Variants in FRMPD4 observed in about 807,000 individuals in gnomAD.
FRMPD4 encodes FERM and PDZ domain-containing protein 4.
In FRMPD4, 22 loss-of-function variants were observed where a neutral mutation model predicts 94.1. That is an observed-to-expected ratio of 0.23 (90% CI 0.17 to 0.33). The LOEUF is 0.33. Ranked by LOEUF, FRMPD4 falls within the 10% of genes least tolerant of loss-of-function variation. The pLI, the probability that FRMPD4 is intolerant of heterozygous loss-of-function variation, is 1.00. For synonymous variants in FRMPD4, 631 were observed against 548.6 expected (o/e 1.15, Z -2.10); for missense variants, 1,111 against 1,339.9 (o/e 0.83, Z 2.67).
At chrX:12,384,791 A>G (rs929552018) in intron 1 of FRMPD4, among the ~76,000 whole-genome samples, 7 of 112,371 alleles carry the variant, frequency 6.2e-5, no homozygotes, top group African/African-American at 2.3e-4. Context: ...ATAAGTAGGT[A>G]TGTTTGCCAG....
intron 2 of FRMPD4, among the ~76,000 whole-genome samples, chrX:12,598,179 C>A (rs1210012068): frequency 9.0e-6 from 1 of 111,102 alleles, no homozygotes; most frequent in African/African-American, 3.3e-5. Context: ...AGATTTTTCA[C>A]TGGAAGCCAG....
At chrX:12,356,873 T>C (rs2055902861) in intron 1 of FRMPD4, among the ~76,000 whole-genome samples, 1 of 111,925 alleles carries the variant, frequency 8.9e-6, no homozygotes, top group Admixed American at 9.5e-5. Context: ...AGAGAGAAGA[T>C]ACTCTATAGA....
chrX:11,929,376 GC>G (rs767580552), intron 3 of FRMPD4, among the ~76,000 whole-genome samples: 1 of 112,448 alleles, frequency 8.9e-6, no homozygotes, highest in African/African-American at 3.2e-5. Context: ...CTGCATGATT[GC>G]CTGTTCTCAG....
chrX:12,181,635 A>C, intron 1 of FRMPD4, among the ~76,000 whole-genome samples: 1 of 112,248 alleles, frequency 8.9e-6, no homozygotes, highest in South Asian at 3.7e-4. Context: ...AAAAGTCTTT[A>C]GGCAGGACTG....
chrX:12,638,822 G>GGGTGCT (rs2059466692), intron 4 of FRMPD4, among the ~76,000 whole-genome samples: 1 of 111,136 alleles, frequency 9.0e-6, no homozygotes, highest in Admixed American at 9.6e-5. Flanking sequence ...CAGCCAGTAC[G>GGGTGCT]AGTGCTACCT....
At chrX:12,521,498 TCTC>T (rs1413234694) in intron 2 of FRMPD4, among the ~76,000 whole-genome samples, 1 of 112,204 alleles carries the variant, frequency 8.9e-6, no homozygotes, top group Non-Finnish European at 1.9e-5. Flanking sequence ...TGATAATAAT[TCTC>T]CTCCTCCACC....
chrX:12,677,867 G>A (rs757099120), intron 5 of FRMPD4, among the ~76,000 whole-genome samples: 1 of 111,700 alleles, frequency 9.0e-6, no homozygotes, highest in South Asian at 3.8e-4. Flanking sequence ...TTCTTAATAG[G>A]TTGCTGCATT....
chrX:12,381,243 C>G (rs781222151), intron 1 of FRMPD4, among the ~76,000 whole-genome samples: 1 of 112,130 alleles, frequency 8.9e-6, no homozygotes, highest in South Asian at 3.8e-4. Flanking sequence ...ATACAGAAAG[C>G]AACAGGCCAT....
intron 1 of FRMPD4, among the ~76,000 whole-genome samples, chrX:11,843,731 A>AT (rs2053555061): frequency 9.3e-6 from 1 of 107,349 alleles, no homozygotes; most frequent in African/African-American, 3.4e-5. Context: ...CTTATTTTTT[A>AT]TTTTTTTGTG....
At chrX:12,438,789 G>A (rs779971381) in intron 1 of FRMPD4, among the ~76,000 whole-genome samples, 1 of 111,769 alleles carries the variant, frequency 8.9e-6, no homozygotes, top group South Asian at 3.8e-4. Context: ...AACTGCTGTG[G>A]AGGTGGCAAG....
intron 3 of FRMPD4, among the ~76,000 whole-genome samples, chrX:12,110,583 G>C (rs1215563713): frequency 9.0e-6 from 1 of 110,974 alleles, no homozygotes; most frequent in African/African-American, 3.3e-5. Context: ...AATCAGGCAG[G>C]AGAAAGAAAT....
At chrX:12,053,431 A>G (rs983607573) in intron 3 of FRMPD4, among the ~76,000 whole-genome samples, 5 of 94,640 alleles carry the variant, frequency 5.3e-5, no homozygotes, top group South Asian at 4.8e-4. Context: ...AGAAAGAAAG[A>G]GAAAGAAAGA....
At chrX:12,487,507 AGAGAG>A (rs758573968) in intron 1 of FRMPD4, among the ~76,000 whole-genome samples, 2 of 112,193 alleles carry the variant, frequency 1.8e-5, no homozygotes, top group East Asian at 2.8e-4. Context: ...GAAGAAGAGA[AGAGAG>A]AAGAGCCGAG....
chrX:12,103,933 C>G (rs551439055), intron 3 of FRMPD4, among the ~76,000 whole-genome samples: 3 of 111,771 alleles, frequency 2.7e-5, no homozygotes, highest in African/African-American at 9.7e-5. Context: ...CAGACTACCA[C>G]AGACTGGGTA....
At chrX:12,543,743 A>T (rs1482566596) in intron 2 of FRMPD4, among the ~76,000 whole-genome samples, 2 of 110,831 alleles carry the variant, frequency 1.8e-5, no homozygotes, top group East Asian at 5.6e-4. Flanking sequence ...CTGGGTATAT[A>T]CCCAAAGGAT....
chrX:12,124,778 C>G (rs7058823), intron 3 of FRMPD4, among the ~76,000 whole-genome samples: 210 of 111,375 alleles, frequency 1.9e-3, no homozygotes, highest in African/African-American at 6.4e-3. Context: ...AGTGGAGTGC[C>G]TCTGGAGTGT....
chrX:11,952,471 A>G (rs1158857124), intron 3 of FRMPD4, among the ~76,000 whole-genome samples: 2 of 111,977 alleles, frequency 1.8e-5, no homozygotes, highest in Non-Finnish European at 3.8e-5. Flanking sequence ...CAGGGGAGAA[A>G]AACTAATTCT....
At chrX:12,618,018 A>C (rs968493290) in intron 4 of FRMPD4, among the ~76,000 whole-genome samples, 2 of 111,790 alleles carry the variant, frequency 1.8e-5, no homozygotes, top group Non-Finnish European at 3.8e-5. Context: ...AATTAGATGA[A>C]TTCTGTTCAC....
At chrX:11,941,945 A>G (rs953083002) in intron 3 of FRMPD4, among the ~76,000 whole-genome samples, 2 of 112,055 alleles carry the variant, frequency 1.8e-5, no homozygotes, top group African/African-American at 6.5e-5. Flanking sequence ...GCTTCTGGAA[A>G]GAACGTGCAG....
Sources: allele counts gnomAD v4.1 joint callset (sites outside exome capture counted in the v4.1 genomes callset), GRCh38; gene constraint gnomAD v4.1.1; transcripts MANE v1.5; gene names NCBI Gene and HGNC (gene_info 2026-07-23, HGNC 2026-07-21).